The following DCBLD2 variants were observed in gnomAD, a reference collection of about 807,000 sequenced individuals.
DCBLD2 encodes discoidin, CUB and LCCL domain-containing protein 2.
DCBLD2 carries 54 observed loss-of-function variants against 86.8 expected under a neutral mutation model. The observed-to-expected ratio is 0.62, with a 90% CI of 0.50 to 0.78. DCBLD2 has a LOEUF of 0.78. Ranked by LOEUF, DCBLD2 falls within the 30% of genes least tolerant of loss-of-function variation. The probability of loss-of-function intolerance (pLI) is 0.00; values close to 1 mark genes in which losing one functional copy is unlikely to be tolerated. For synonymous variants in DCBLD2, 354 were observed against 341.3 expected, an observed-to-expected ratio of 1.04 and a Z score of -0.41; for missense variants, 908 against 954.2, an observed-to-expected ratio of 0.95 and a Z score of 0.64.
At chr3:98,822,003 G>A (rs969102133) in intron 6 of DCBLD2, 18 of 567,184 alleles carry the variant, frequency 3.2e-5, no homozygotes, top group African/African-American at 2.6e-4. Context: ...CCGAGATCAC[G>A]CCACTGCACT....
chr3:98,892,990 G>A (rs1333665302), intron 1 of DCBLD2, among the ~76,000 whole-genome samples: 1 of 152,090 alleles, frequency 6.6e-6, no homozygotes, highest in African/African-American at 2.4e-5. Flanking sequence ...AGATTTGGGT[G>A]GGCTGGAGAC....
intron 2 of DCBLD2, among the ~76,000 whole-genome samples, chr3:98,858,662 T>C (rs530441509): frequency 6.6e-6 from 1 of 152,208 alleles, no homozygotes; most frequent in East Asian, 1.9e-4. Flanking sequence ...AAGGGGTTAA[T>C]ACCAAAAACA....
intron 2 of DCBLD2, among the ~76,000 whole-genome samples, chr3:98,871,925 G>A (rs932591099): frequency 6.6e-6 from 1 of 152,084 alleles, no homozygotes; most frequent in Non-Finnish European, 1.5e-5. Context: ...TGTTGTTGTT[G>A]TTGTCATTGG....
intron 3 of DCBLD2, among the ~76,000 whole-genome samples, chr3:98,842,457 G>T (rs1942638688): frequency 6.6e-6 from 1 of 152,142 alleles, no homozygotes; most frequent in African/African-American, 2.4e-5. Context: ...ATATAGTATA[G>T]TACAACATAA....
Position 98,797,530 on chromosome 3 carries a change from G to A in DCBLD2, c.*1842C>T, listed in dbSNP as rs1348189495. The stretch of plus-strand genomic sequence containing the variant: ...AAGGGATGACTGCATTAATATATGT[G>A]CTTTCCACATCCATATATGTTTTAA... On this transcript the variant is annotated 3_prime_UTR_variant, in exon 16 of 16. Transcript: ENST00000326840. 1 of 152,456 alleles carries A rather than the reference G, an allele frequency of 6.6e-6. No individual in the cohort carries two copies. Among genetic ancestry groups the A allele is most frequent in the East Asian group, 1.9e-4 (1 of 5,204 alleles). The allele number at this position is 152,456 out of a possible 1,614,324, so 9.4% of individuals were successfully genotyped here. A position where few individuals can be genotyped will look rare whatever the true frequency, so the allele number is the denominator to read the frequency against.
intron 1 of DCBLD2, among the ~76,000 whole-genome samples, chr3:98,897,714 A>C (rs1404834450): frequency 6.6e-6 from 1 of 152,160 alleles, no homozygotes; most frequent in Admixed American, 6.5e-5. Context: ...TTAGCAAAGA[A>C]AAACTAATAT....
Position 98,798,913 on chromosome 3 carries a change from AG to A in DCBLD2, c.*458del, listed in dbSNP as rs1320091268. 1 of 153,104 alleles carries A rather than the reference AG, an allele frequency of 6.5e-6. No individual in the cohort carries two copies. The allele number at this position is 153,104 out of a possible 1,614,324, so 9.5% of individuals were successfully genotyped here. A position where few individuals can be genotyped will look rare whatever the true frequency, so the allele number is the denominator to read the frequency against. ...TTAAAAAAAATCCAGAAAAGAATAT[AG>A]GAATAGAAGAGGAAATCATGATAGT... On this transcript the variant is annotated 3_prime_UTR_variant, in exon 16 of 16. Coordinates refer to ENST00000326840, the MANE Select transcript of DCBLD2 (RefSeq NM_080927.4).
At chr3:98,859,249 C>T (rs2107495708) in intron 2 of DCBLD2, among the ~76,000 whole-genome samples, 1 of 152,268 alleles carries the variant, frequency 6.6e-6, no homozygotes. Context: ...GGGTGGAGCC[C>T]AACGCAGCTC....
chr3:98,858,305 C>G (rs574587070), intron 2 of DCBLD2, among the ~76,000 whole-genome samples: 1 of 152,250 alleles, frequency 6.6e-6, no homozygotes, highest in Non-Finnish European at 1.5e-5. Flanking sequence ...CTGCGCCTCT[C>G]CCTCCACACC....
chr3:98,865,348 A>C (rs1943124037), intron 2 of DCBLD2, among the ~76,000 whole-genome samples: 1 of 152,204 alleles, frequency 6.6e-6, no homozygotes, highest in Non-Finnish European at 1.5e-5. Flanking sequence ...TATGATGTTA[A>C]GCGAAATAAG....
chr3:98,892,347 C>T (rs1212083278), intron 1 of DCBLD2, among the ~76,000 whole-genome samples: 1 of 152,142 alleles, frequency 6.6e-6, no homozygotes, highest in East Asian at 1.9e-4. Context: ...AAGAGGATGC[C>T]TCTGTTTATC....
intron 2 of DCBLD2, among the ~76,000 whole-genome samples, chr3:98,860,774 C>G (rs62278526): frequency 0.035 from 5,308 of 152,240 alleles, 119 homozygotes; most frequent in Non-Finnish European, 0.054. Context: ...AAAAACATGA[C>G]AAATTGTAAA....
chr3:98,860,478 G>A (rs937847073), intron 2 of DCBLD2, among the ~76,000 whole-genome samples: 3 of 152,176 alleles, frequency 2.0e-5, no homozygotes, highest in Non-Finnish European at 4.4e-5. Context: ...CAGAGAGAAA[G>A]GTTGGGTTAC....
chr3:98,817,749 T>C lies in DCBLD2; in HGVS notation c.1212+20A>G. ...CCATTTAAAAAATGTTTTTTAAAAA[T>C]ACCTTGGTAATCATTTTACCTTATC... is the stretch of plus-strand genomic sequence containing the variant. On this transcript the variant is annotated intron_variant, in intron 9 of 15. Coordinates refer to ENST00000326840, the MANE Select transcript of DCBLD2 (RefSeq NM_080927.4). The C allele has an allele frequency of 6.2e-7, 1 of 1,611,414 alleles. No homozygotes were observed.
intron 12 of DCBLD2, among the ~76,000 whole-genome samples, 188 bp downstream of exon 12, chr3:98,811,006 T>C (rs1576157712): frequency 6.6e-6 from 1 of 152,272 alleles, no homozygotes; most frequent in South Asian, 2.1e-4. Context: ...CAATTCTACA[T>C]GGCAGCAGAG....
chr3:98,811,619 T>C, intron 10 of DCBLD2, 65 bp from the exon 11 acceptor site: 2 of 1,370,386 alleles, frequency 1.5e-6, no homozygotes, highest in South Asian at 1.4e-5. Flanking sequence ...AAAATAGTAA[T>C]GCTAAATGTC....
rs1941582934 is a variant in DCBLD2, at chr3:98,796,113, CTGAG to C, written c.*3255_*3258del. 6.6e-6 allele frequency: 1 copy of C among 152,570 alleles called. No individual in the cohort carries two copies. Among genetic ancestry groups the C allele is most frequent in the Non-Finnish European group, 1.5e-5 (1 of 68,026 alleles). The allele number at this position is 152,570 out of a possible 1,614,324, so 9.5% of individuals were successfully genotyped here. A position where few individuals can be genotyped will look rare whatever the true frequency, so the allele number is the denominator to read the frequency against. ...TAAATTCTAGCAACATATACAAATA[CTGAG>C]TGACTACAGTACATGCCGAGGTAAG... On this transcript the variant is annotated 3_prime_UTR_variant, in exon 16 of 16. Transcript: ENST00000326840.
At chr3:98,810,132 G>A (rs1941913646) in intron 12 of DCBLD2, among the ~76,000 whole-genome samples, 1 of 152,174 alleles carries the variant, frequency 6.6e-6, no homozygotes, top group Non-Finnish European at 1.5e-5. Flanking sequence ...TTTTAGCCTT[G>A]AGGGTCTGAG....
At chr3:98,870,727 A>AAAGAAAAAGAAAGAAAGAAAG (rs1943249327) in intron 2 of DCBLD2, among the ~76,000 whole-genome samples, 2 of 84,750 alleles carry the variant, frequency 2.4e-5, no homozygotes, top group African/African-American at 9.6e-5. Flanking sequence ...AAAGGAAAAG[A>AAAGAAAAAGAAAGAAAGAAAG]AAAGAAAGAA....
Sources: allele counts gnomAD v4.1 joint callset (sites outside exome capture counted in the v4.1 genomes callset), GRCh38; gene constraint gnomAD v4.1.1; transcripts MANE v1.5; gene names NCBI Gene and HGNC (gene_info 2026-07-23, HGNC 2026-07-21).